Variants in SND1 observed in about 807,000 individuals in gnomAD.
The protein encoded by SND1 is staphylococcal nuclease domain-containing protein 1.
In SND1, 38 loss-of-function variants were observed where a neutral mutation model predicts 121.7. The ratio of observed to expected loss-of-function variants is 0.31; its 90% confidence interval spans 0.24 to 0.41. The LOEUF is 0.41. SND1 is among the 10% of genes least tolerant of loss of function. The pLI is 1.00. For missense variants in SND1, 868 were observed against 1,184.6 expected (o/e 0.73, Z 3.92); for synonymous variants, 401 against 447.4 (o/e 0.90, Z 1.31).
intron 15 of SND1, among the ~76,000 whole-genome samples, chr7:127,972,111 G>A (rs1802004384): frequency 1.3e-5 from 2 of 152,134 alleles, no homozygotes; most frequent in Admixed American, 6.6e-5. Context: ...GTAATTTCAA[G>A]TAAACACCAT....
chr7:127,846,629 T>C (rs1799068963), intron 12 of SND1, among the ~76,000 whole-genome samples: 1 of 152,220 alleles, frequency 6.6e-6, no homozygotes, highest in Non-Finnish European at 1.5e-5. Context: ...TTGCAAACTC[T>C]TCCTTTATGA....
At chr7:127,837,999 T>TAGCCAA (rs1425221668) in intron 11 of SND1, among the ~76,000 whole-genome samples, 1 of 152,164 alleles carries the variant, frequency 6.6e-6, no homozygotes, top group African/African-American at 2.4e-5. Flanking sequence ...GCTATGTTGT[T>TAGCCAA]CCCCTGTTGG....
intron 13 of SND1, among the ~76,000 whole-genome samples, chr7:127,890,568 C>T (rs1248921522): frequency 6.6e-6 from 1 of 152,070 alleles, no homozygotes; most frequent in Non-Finnish European, 1.5e-5. Context: ...TTATATTTTC[C>T]ATGCAGGCTT....
intron 16 of SND1, among the ~76,000 whole-genome samples, chr7:128,006,209 A>G (rs916443225): frequency 6.6e-5 from 10 of 151,972 alleles, no homozygotes; most frequent in Non-Finnish European, 1.2e-4. Flanking sequence ...TCTGCCCTAG[A>G]GAAACAAGCA....
rs190780249 is a variant in SND1, at chr7:128,028,647, T to C, written c.1779+37591T>C. 8.2e-6 allele frequency: 13 copies of C among 1,583,788 alleles called. No individual in the cohort carries two copies. The East Asian group carries it at 2.7e-4, about 33-fold the overall frequency. On this transcript the variant is annotated intron_variant, in intron 16 of 23. Coordinates refer to ENST00000354725, the MANE Select transcript of SND1 (RefSeq NM_014390.4). ...AGTTGCTGTCTTTGTGTGCATTCTA[T>C]TGCATTTTATAAGTTTTTTGGGGGA...
intron 1 of SND1, among the ~76,000 whole-genome samples, chr7:127,660,131 G>T (rs1289288395): frequency 6.6e-6 from 1 of 152,052 alleles, no homozygotes; most frequent in Non-Finnish European, 1.5e-5. Context: ...GGTGGAGAGA[G>T]GGTAGATAGA....
At chr7:127,781,386 C>G (rs980125856) in intron 10 of SND1, among the ~76,000 whole-genome samples, 1 of 152,102 alleles carries the variant, frequency 6.6e-6, no homozygotes, top group Admixed American at 6.6e-5. Context: ...TCCCCGCCCC[C>G]CCTTCATTAT....
At chr7:127,975,626 C>T (rs1802101868) in intron 15 of SND1, among the ~76,000 whole-genome samples, 1 of 152,106 alleles carries the variant, frequency 6.6e-6, no homozygotes, top group Non-Finnish European at 1.5e-5. Context: ...AGTGAAAAGG[C>T]ACAAACAAGC....
chr7:128,057,196 G>A (rs1449345386), intron 16 of SND1, among the ~76,000 whole-genome samples: 1 of 152,104 alleles, frequency 6.6e-6, no homozygotes, highest in Non-Finnish European at 1.5e-5. Context: ...CAGATAAGGG[G>A]GACTCCTTTA....
chr7:127,938,287 G>A (rs1375086195), intron 15 of SND1, among the ~76,000 whole-genome samples: 3 of 152,194 alleles, frequency 2.0e-5, no homozygotes, highest in African/African-American at 7.2e-5. Context: ...ATGAGTACAA[G>A]ATTTTTACAA....
At chr7:127,810,974 A>C (rs1423552393) in intron 11 of SND1, among the ~76,000 whole-genome samples, 1 of 152,238 alleles carries the variant, frequency 6.6e-6, no homozygotes, top group East Asian at 1.9e-4. Flanking sequence ...GCCAGAGTGC[A>C]TTGAAGCTTC....
intron 3 of SND1, among the ~76,000 whole-genome samples, chr7:127,695,795 T>C (rs7792695): frequency 0.19 from 29,466 of 152,096 alleles, 3,036 homozygotes; most frequent in African/African-American, 0.26. Flanking sequence ...CACTGCACTC[T>C]AGCCTGAGTG....
At chr7:127,920,783 A>T (rs938218788) in intron 14 of SND1, among the ~76,000 whole-genome samples, 9 of 146,256 alleles carry the variant, frequency 6.2e-5, no homozygotes, top group Non-Finnish European at 4.5e-5. Context: ...AACTAGGTAT[A>T]TTCTTATTTC....
intron 16 of SND1, chr7:128,028,696 G>A: frequency 6.2e-7 from 1 of 1,612,844 alleles, no homozygotes; most frequent in Non-Finnish European, 8.5e-7. Context: ...TGAGTTTCCT[G>A]TACCTTGTCC....
At position 127,940,101 on chromosome 7, in the gene SND1, G is replaced by A. The variant is rs58668062; in HGVS notation, c.1669+10772G>A. ...CTCCTTCCCTCCTACTTTAAAGCGC[G>A]TTCTGTCTGAGTCTATGCAGGGTTG... On this transcript the variant is annotated intron_variant, in intron 15 of 23. Coordinates refer to ENST00000354725, the MANE Select transcript of SND1 (RefSeq NM_014390.4). Among the ~76,000 whole-genome samples the A allele has an allele frequency of 3.8e-3, 571 of 152,152 alleles. 1 individual carries two copies. The highest frequency in any genetic ancestry group is 0.013 in the African/African-American group (520 of 41,498).
chr7:127,723,548 T>G (rs892894459), intron 10 of SND1, among the ~76,000 whole-genome samples: 5 of 152,206 alleles, frequency 3.3e-5, no homozygotes, highest in Non-Finnish European at 5.9e-5. Flanking sequence ...TGGAAGAGTT[T>G]ACTGAAGGGC....
At chr7:127,766,195 C>A (rs1254302187) in intron 10 of SND1, among the ~76,000 whole-genome samples, 2 of 152,214 alleles carry the variant, frequency 1.3e-5, no homozygotes, top group African/African-American at 4.8e-5. Flanking sequence ...ATCTTGGAAG[C>A]AAAGACTAAG....
intron 16 of SND1, among the ~76,000 whole-genome samples, chr7:128,022,204 CAAAAAAAAAAA>C (rs58371490): frequency 2.7e-5 from 2 of 74,148 alleles, no homozygotes; most frequent in South Asian, 6.5e-4. Flanking sequence ...GACTCTCTCT[CAAAAAAAAAAA>C]AAAAAAAAAA....
intron 10 of SND1, among the ~76,000 whole-genome samples, chr7:127,746,270 A>G (rs149593422): frequency 1.3e-5 from 2 of 152,352 alleles, no homozygotes; most frequent in African/African-American, 2.4e-5. Context: ...TAAAAAATAG[A>G]TAGCTTTGAC....
Sources: allele counts gnomAD v4.1 joint callset (sites outside exome capture counted in the v4.1 genomes callset), GRCh38; gene constraint gnomAD v4.1.1; transcripts MANE v1.5; gene names NCBI Gene and HGNC (gene_info 2026-07-23, HGNC 2026-07-21).